Variants in COP1 observed in about 807,000 individuals in gnomAD.
The protein encoded by COP1 is E3 ubiquitin-protein ligase COP1.
A neutral mutation model predicts 101.3 loss-of-function variants in COP1; 24 were observed. That is an observed-to-expected ratio of 0.24 (90% CI 0.17 to 0.33). The LOEUF (loss-of-function observed/expected upper bound fraction) is 0.33. Among genes scored for constraint, COP1 ranks in the 10% least tolerant of loss-of-function variants. The probability of loss-of-function intolerance (pLI) is 1.00; values close to 1 mark genes in which losing one functional copy is unlikely to be tolerated. For synonymous variants in COP1, 347 were observed against 341.9 expected (o/e 1.01, Z -0.17); for missense variants, 663 against 906.2 (o/e 0.73, Z 3.45).
intron 15 of COP1, among the ~76,000 whole-genome samples, chr1:176,005,548 T>G (rs1419934281): frequency 2.0e-5 from 3 of 152,232 alleles, no homozygotes; most frequent in African/African-American, 2.4e-5. Context: ...TCTGGTATGT[T>G]GTGTCTTTGT....
At chr1:175,989,324 C>T in intron 16 of COP1, 38 bp downstream of exon 16, 1 of 1,030,226 alleles carries the variant, frequency 9.7e-7, no homozygotes. Context: ...GTACAGAGCT[C>T]TGTATTAAGC....
chr1:176,133,490 ATATACTACTACTATGC>A (rs1353887537), intron 8 of COP1, among the ~76,000 whole-genome samples: 14 of 151,882 alleles, frequency 9.2e-5, no homozygotes, highest in Non-Finnish European at 2.1e-4. Flanking sequence ...ATTGTATGTT[ATATACTACTACTATGC>A]TATACATTGG....
intron 1 of COP1, among the ~76,000 whole-genome samples, chr1:176,204,336 G>T (rs1700605929): frequency 6.6e-6 from 1 of 151,874 alleles, no homozygotes. Context: ...AAATGAATAA[G>T]AAATTATCAT....
rs372926444 is a variant in COP1, at chr1:175,951,163, C to T, written c.2134-3924G>A. Among the ~76,000 whole-genome samples the T allele has an allele frequency of 2.6e-3, 400 of 152,062 alleles. 3 individuals are homozygous for T. Among genetic ancestry groups the T allele is most frequent in the African/African-American group, 9.2e-3 (381 of 41,494 alleles). On this transcript the variant is annotated intron_variant, in intron 18 of 19. Coordinates refer to ENST00000367669, the MANE Select transcript of COP1 (RefSeq NM_022457.7). ...ACTTGGGAGGCTGAGACAGGAGAAT[C>T]GCCTGAACCCGGGAGGTGGAGGCTA...
rs976719220 is a variant in COP1, at chr1:176,206,847, C to G, written c.132G>C (p.Ala44=). Residue 44 remains alanine (A), a synonymous_variant, in exon 1 of 20, where the codon GCG becomes GCC. Transcript: ENST00000367669. The stretch of plus-strand genomic sequence containing the variant: ...CCACCCCGCCGGACACCAGCGCTGC[C>G]GCCGAAACCGCCACGGAAGGCGGCG... The part of the protein sequence containing the change: ...SPSPPSVAVS[A]AALVSGGVAQ... 6.0e-5 allele frequency: 86 copies of G among 1,429,834 alleles called. No homozygotes were observed. The Middle Eastern group carries it at 1.7e-3, about 29-fold the overall frequency. 88.6% of individuals were successfully genotyped at this position (1,429,834 alleles called of 1,614,324 possible).
intron 14 of COP1, among the ~76,000 whole-genome samples, chr1:176,038,090 CA>C (rs1407375109): frequency 2.0e-5 from 3 of 152,288 alleles, no homozygotes; most frequent in Admixed American, 2.0e-4. Flanking sequence ...TTAGCAAGTA[CA>C]TTGGCACAAT....
At chr1:176,195,498 C>T (rs1699574906) in intron 1 of COP1, among the ~76,000 whole-genome samples, 1 of 152,032 alleles carries the variant, frequency 6.6e-6, no homozygotes, top group African/African-American at 2.4e-5. Flanking sequence ...AGAACCTCAG[C>T]CTACACATGG....
chr1:176,043,299 T>G (rs113594367), intron 13 of COP1, 32 bp from the exon 14 acceptor site: 2 of 1,298,462 alleles, frequency 1.5e-6, no homozygotes, highest in Admixed American at 1.8e-5. Flanking sequence ...TAGCCTCAGA[T>G]AGAATACAGA....
At chr1:175,998,474 A>T (rs572677969) in intron 15 of COP1, among the ~76,000 whole-genome samples, 59 of 150,150 alleles carry the variant, frequency 3.9e-4, no homozygotes, top group South Asian at 3.3e-3. Context: ...TAATAAAATT[A>T]AAAAAAGAGA....
chr1:176,170,539 T>A (rs1371767285), intron 3 of COP1, among the ~76,000 whole-genome samples: 1 of 152,184 alleles, frequency 6.6e-6, no homozygotes, highest in African/African-American at 2.4e-5. Flanking sequence ...AAGGAATCTT[T>A]TTTTCTAAGC....
intron 9 of COP1, among the ~76,000 whole-genome samples, 166 bp from the exon 10 acceptor site, chr1:176,086,056 T>C (rs1040187564): frequency 2.0e-5 from 3 of 152,112 alleles, no homozygotes; most frequent in African/African-American, 4.8e-5. Context: ...TCTTTTAACA[T>C]GAAAATAGAA....
intron 6 of COP1, among the ~76,000 whole-genome samples, chr1:176,138,952 A>G (rs546801302): frequency 3.3e-4 from 50 of 152,334 alleles, no homozygotes; most frequent in African/African-American, 1.1e-3. Context: ...ATTTTTATTT[A>G]AACAAATGCT....
chr1:176,003,207 T>C (rs1396700098), intron 15 of COP1, among the ~76,000 whole-genome samples: 5 of 152,194 alleles, frequency 3.3e-5, no homozygotes, highest in African/African-American at 1.2e-4. Context: ...TGGGGTTGTT[T>C]TCTTGTAAAT....
At chr1:176,084,470 A>G (rs1679752250) in intron 10 of COP1, among the ~76,000 whole-genome samples, 2 of 152,174 alleles carry the variant, frequency 1.3e-5, no homozygotes, top group South Asian at 2.1e-4. Context: ...TCAAGCTACC[A>G]ATGACTTTCT....
rs12088446 is a variant in COP1, at chr1:176,038,758, T to C, written c.1612+4428A>G. 7.8e-3 allele frequency among the ~76,000 whole-genome samples: 1,178 copies of C among 150,780 alleles called. 19 individuals are homozygous for C. Among genetic ancestry groups the C allele is most frequent in the African/African-American group, 0.028 (1,130 of 41,008 alleles). On this transcript the variant is annotated intron_variant, in intron 14 of 19. Transcript: ENST00000367669. Reference sequence around the variant, plus strand: ...GCTTGAACCCGGGAGGCGGAGGTTGTGGTGAGCCAAGATCATATCATTGCA... The same window carrying C: ...GCTTGAACCCGGGAGGCGGAGGTTGCGGTGAGCCAAGATCATATCATTGCA...
intron 12 of COP1, among the ~76,000 whole-genome samples, chr1:176,044,669 G>C (rs960550943): frequency 6.6e-6 from 1 of 152,150 alleles, no homozygotes; most frequent in Admixed American, 6.5e-5. Context: ...TCAAATTCCA[G>C]ATCTGTTACT....
chr1:176,137,349 T>G (rs1349500783), intron 6 of COP1, among the ~76,000 whole-genome samples: 1 of 152,180 alleles, frequency 6.6e-6, no homozygotes, highest in Non-Finnish European at 1.5e-5. Flanking sequence ...CTTTCAGATT[T>G]CATTTCATTT....
intron 11 of COP1, among the ~76,000 whole-genome samples, chr1:176,046,619 GAGAA>G (rs1268665024): frequency 6.6e-6 from 1 of 152,016 alleles, no homozygotes; most frequent in Non-Finnish European, 1.5e-5. Flanking sequence ...ACAGCTTACT[GAGAA>G]AGATTTAATG....
chr1:175,992,208 T>G (rs1658697759), intron 15 of COP1, among the ~76,000 whole-genome samples: 2 of 152,256 alleles, frequency 1.3e-5, no homozygotes, highest in African/African-American at 4.8e-5. Context: ...ATTTATCCTT[T>G]GTGTTACAAT....
Sources: gnomAD v4.1 joint callset for allele counts (sites outside exome capture counted in the v4.1 genomes callset) on GRCh38, gnomAD v4.1.1 for gene constraint, MANE v1.5 for transcripts, NCBI Gene and HGNC (gene_info 2026-07-23, HGNC 2026-07-21) for gene names.